SPATA6L: variants seen among roughly 807,000 people sequenced by gnomAD.
SPATA6L encodes the protein spermatogenesis associated 6 like, also known as spermatogenesis associated 6-like protein.
A neutral mutation model predicts 49.2 loss-of-function variants in SPATA6L; 68 were observed. The observed-to-expected ratio is 1.38, with a 90% CI of 1.14 to 1.69. SPATA6L has a LOEUF of 1.69. Ranked by LOEUF, SPATA6L falls within the 40% of genes most tolerant of loss-of-function variation. The pLI is 0.00. For synonymous variants in SPATA6L, 198 were observed against 165.7 expected (o/e 1.19, Z -1.50); for missense variants, 668 against 464.3 (o/e 1.44, Z -4.03).
chr9:4,621,582 G>A (rs968480321), intron 7 of SPATA6L, among the ~76,000 whole-genome samples: 4 of 151,954 alleles, frequency 2.6e-5, no homozygotes, highest in Non-Finnish European at 4.4e-5. Context: ...TCTGCCTCCC[G>A]GGTTCAAGCG....
At chr9:4,619,032 T>C (rs1828657814) in intron 7 of SPATA6L, 134 bp from the exon 8 acceptor site, 3 of 745,498 alleles carry the variant, frequency 4.0e-6, no homozygotes, top group Admixed American at 2.6e-5. Flanking sequence ...AAATGCTCCC[T>C]TGTAAGTTAC....
intron 3 of SPATA6L, among the ~76,000 whole-genome samples, chr9:4,652,725 C>G (rs1289856579): frequency 6.6e-6 from 1 of 151,420 alleles, no homozygotes; most frequent in South Asian, 2.1e-4. Flanking sequence ...CCTGTAATCC[C>G]AGCTACTTGG....
chr9:4,629,769 G>GTGTGTGTATA (rs1311805859), intron 4 of SPATA6L, among the ~76,000 whole-genome samples: 55 of 101,920 alleles, frequency 5.4e-4, no homozygotes, highest in African/African-American at 2.3e-3. Context: ...GTGTGTGTGT[G>GTGTGTGTATA]TATATATATA....
chr9:4,604,436 C>T (rs1300828098), intron 10 of SPATA6L, among the ~76,000 whole-genome samples, 167 bp from the exon 11 acceptor site: 3 of 152,000 alleles, frequency 2.0e-5, no homozygotes, highest in Non-Finnish European at 2.9e-5. Context: ...TTTGTAGAGA[C>T]GAGGTCTCAT....
intron 3 of SPATA6L, among the ~76,000 whole-genome samples, chr9:4,650,185 G>A (rs956835888): frequency 6.6e-6 from 1 of 152,102 alleles, no homozygotes; most frequent in African/African-American, 2.4e-5. Context: ...AATCTACCTG[G>A]TATGCCAGCC....
At chr9:4,624,663 G>C (rs770255625) in intron 6 of SPATA6L, among the ~76,000 whole-genome samples, 31 of 151,482 alleles carry the variant, frequency 2.0e-4, no homozygotes, top group Admixed American at 4.0e-4. Context: ...GGAAGGCAGA[G>C]GTTGCAGTAA....
chr9:4,636,036 A>C (rs1832741759), intron 3 of SPATA6L, among the ~76,000 whole-genome samples: 1 of 152,188 alleles, frequency 6.6e-6, no homozygotes, highest in South Asian at 2.1e-4. Context: ...CTATTTTATA[A>C]TTGTCTGAGC....
downstream of SPATA6L, among the ~76,000 whole-genome samples, chr9:4,593,394 T>C (rs145225302): frequency 1.3e-4 from 20 of 152,166 alleles, no homozygotes; most frequent in African/African-American, 3.4e-4. Context: ...TACAATATCA[T>C]TGTATCCCTC....
chr9:4,621,836 T>A (rs1829377184), intron 7 of SPATA6L, among the ~76,000 whole-genome samples: 1 of 152,126 alleles, frequency 6.6e-6, no homozygotes, highest in African/African-American at 2.4e-5. Flanking sequence ...ATTTCTAACA[T>A]GCTAACTACT....
intron 3 of SPATA6L, among the ~76,000 whole-genome samples, chr9:4,651,725 G>C (rs891761098): frequency 2.6e-5 from 4 of 152,158 alleles, no homozygotes; most frequent in Admixed American, 2.6e-4. Context: ...AATAGATGTA[G>C]AAAAGGCGTG....
intron 11 of SPATA6L, 131 bp downstream of exon 11, chr9:4,604,048 T>C: frequency 3.3e-6 from 2 of 598,904 alleles, no homozygotes; most frequent in Non-Finnish European, 5.8e-6. Flanking sequence ...AACGCAGTTC[T>C]CAGGTCTCCT....
At chr9:4,605,242 A>G (rs1467396269) in intron 10 of SPATA6L, 105 bp downstream of exon 10, 6 of 841,964 alleles carry the variant, frequency 7.1e-6, no homozygotes, top group Non-Finnish European at 3.9e-6. Flanking sequence ...TTTTCCACTT[A>G]TTTCTGTGGT....
intron 9 of SPATA6L, among the ~76,000 whole-genome samples, chr9:4,607,649 A>C (rs1244565235): frequency 6.6e-6 from 1 of 152,122 alleles, no homozygotes; most frequent in Non-Finnish European, 1.5e-5. Flanking sequence ...AGGAAGCGCT[A>C]AACATGGAAA....
chr9:4,656,818 C>G (rs563327447), intron 2 of SPATA6L, among the ~76,000 whole-genome samples: 30 of 152,150 alleles, frequency 2.0e-4, no homozygotes, highest in South Asian at 6.2e-4. Flanking sequence ...AACAGATACT[C>G]ATTAAATGTT....
rs1838345685 is a variant in SPATA6L at position 4,656,797 on chromosome 9, A to G, written c.178-708T>C. ...GTGTTGTTTGACTACCTAGAAAAACATTCTGTATACAACAGATACTCATTA... is the reference window on the plus strand; with the variant it reads ...GTGTTGTTTGACTACCTAGAAAAACGTTCTGTATACAACAGATACTCATTA... On this transcript the variant is annotated intron_variant, in intron 2 of 11. Transcript: ENST00000682582. Among the ~76,000 whole-genome samples the G allele has an allele frequency of 3.3e-5, 5 of 152,358 alleles. No individual in the cohort carries two copies. In the South Asian group the frequency reaches 1.0e-3, roughly 32 times the overall value.
At chr9:4,643,415 A>T (rs999131560) in intron 3 of SPATA6L, among the ~76,000 whole-genome samples, 1 of 152,210 alleles carries the variant, frequency 6.6e-6, no homozygotes, top group Non-Finnish European at 1.5e-5. Flanking sequence ...ATTGGGGATC[A>T]GTTTACCCCA....
chr9:4,623,529 T>C (rs901901572), intron 6 of SPATA6L, among the ~76,000 whole-genome samples: 2 of 152,238 alleles, frequency 1.3e-5, no homozygotes, highest in East Asian at 1.9e-4. Flanking sequence ...CTTTAATATA[T>C]TGACTTGAAT....
intron 9 of SPATA6L, among the ~76,000 whole-genome samples, chr9:4,607,085 G>A (rs1401680378): frequency 6.6e-6 from 1 of 151,560 alleles, no homozygotes; most frequent in Non-Finnish European, 1.5e-5. Context: ...GAGAAGGGAA[G>A]TTTAGAGAAA....
rs768749235 is a variant in SPATA6L, at chr9:4,663,034, T to G, written c.40-998A>C. 15 of 1,613,740 alleles carry G rather than the reference T, an allele frequency of 9.3e-6. No homozygotes were observed. In the Admixed American group the frequency reaches 2.3e-4, roughly 25 times the overall value. ...TCGGGCCATGCCACAAGGGCCGCCCTGATGTCGAGGTTCATCCTGAACCAC... is the reference window on the plus strand; with the variant it reads ...TCGGGCCATGCCACAAGGGCCGCCCGGATGTCGAGGTTCATCCTGAACCAC... On this transcript the variant is annotated intron_variant, in intron 1 of 11. Transcript: ENST00000682582.
Sources: allele counts gnomAD v4.1 joint callset (sites outside exome capture counted in the v4.1 genomes callset), GRCh38; gene constraint gnomAD v4.1.1; transcripts MANE v1.5; gene names NCBI Gene and HGNC (gene_info 2026-07-23, HGNC 2026-07-21).